Variants in GPHN observed in about 807,000 individuals in gnomAD.
The protein encoded by GPHN is gephyrin.
GPHN carries 17 observed loss-of-function variants against 95.5 expected under a neutral mutation model. The ratio of observed to expected loss-of-function variants is 0.18; its 90% CI spans 0.12 to 0.27. The LOEUF is 0.27. GPHN is among the 10% of genes least tolerant of loss of function. The probability of loss-of-function intolerance (pLI) is 1.00; values close to 1 mark genes in which losing one functional copy is unlikely to be tolerated. For missense variants in GPHN, 660 were observed against 978.1 expected, an observed-to-expected ratio of 0.67 and a Z score of 4.34; for synonymous variants, 320 against 322.5, an observed-to-expected ratio of 0.99 and a Z score of 0.08.
chr14:67,520,419 A>AT, the GPHN span, among the ~76,000 whole-genome samples: 2 of 152,230 alleles, frequency 1.3e-5, no homozygotes, highest in Non-Finnish European at 2.9e-5. Flanking sequence ...AATGTCATAT[A>AT]GGTGAAATCA....
the GPHN span, among the ~76,000 whole-genome samples, chr14:67,526,688 C>G: frequency 6.6e-6 from 1 of 152,150 alleles, no homozygotes; most frequent in African/African-American, 2.4e-5. Flanking sequence ...GGGAATGGAT[C>G]TGGCCCTACA....
At chr14:67,572,769 G>T in the GPHN span, among the ~76,000 whole-genome samples, 1 of 152,062 alleles carries the variant, frequency 6.6e-6, no homozygotes, top group Non-Finnish European at 1.5e-5. Context: ...ATGTAATTCC[G>T]CATCCCTCGC....
At chr14:67,053,503 G>A (rs957451372) in intron 10 of GPHN, among the ~76,000 whole-genome samples, 1 of 152,172 alleles carries the variant, frequency 6.6e-6, no homozygotes, top group Admixed American at 6.5e-5. Flanking sequence ...CCCAGGACCA[G>A]ATGGATTCAC....
chr14:67,275,304 A>C, the GPHN span, among the ~76,000 whole-genome samples: 1 of 152,136 alleles, frequency 6.6e-6, no homozygotes, highest in African/African-American at 2.4e-5. Context: ...ATCAATACCT[A>C]GTTTATTGAG....
At chr14:67,658,191 G>A in the GPHN span, among the ~76,000 whole-genome samples, 78 of 150,578 alleles carry the variant, frequency 5.2e-4, no homozygotes, top group African/African-American at 1.7e-3. Context: ...ATTTTCAACT[G>A]AGTAGGCTAA....
At chr14:67,463,780 A>T in the GPHN span, among the ~76,000 whole-genome samples, 1 of 152,208 alleles carries the variant, frequency 6.6e-6, no homozygotes, top group African/African-American at 2.4e-5. Context: ...TCAACTAACT[A>T]CATCTGAGCT....
chr14:67,607,764 C>T, the GPHN span, among the ~76,000 whole-genome samples: 1 of 152,112 alleles, frequency 6.6e-6, no homozygotes. Context: ...ATCCCAGGCT[C>T]TAAAGTTAGA....
chr14:67,433,142 C>T, the GPHN span, among the ~76,000 whole-genome samples: 7 of 152,108 alleles, frequency 4.6e-5, no homozygotes, highest in Non-Finnish European at 8.8e-5. Context: ...AGTTGATGCC[C>T]ATCTTACAAG....
At chr14:66,565,504 T>C (rs1404401956) in intron 1 of GPHN, among the ~76,000 whole-genome samples, 1 of 152,110 alleles carries the variant, frequency 6.6e-6, no homozygotes, top group Non-Finnish European at 1.5e-5. Context: ...CTCGCTTTGT[T>C]GCCCAAGCTG....
chr14:66,564,963 AT>A (rs1472256673), intron 1 of GPHN, among the ~76,000 whole-genome samples: 28 of 152,040 alleles, frequency 1.8e-4, no homozygotes, highest in Non-Finnish European at 4.4e-5. Flanking sequence ...ACTAGCATGT[AT>A]TTATGTTCCT....
At chr14:67,473,283 G>C in the GPHN span, 1 of 1,245,546 alleles carries the variant, frequency 8.0e-7, no homozygotes, top group Non-Finnish European at 1.1e-6. The surrounding 1 kb of genome is among the most constrained non-coding windows in gnomAD (Gnocchi z 6.5). Context: ...CGGACGTTAG[G>C]GGGCTCTGTG....
the GPHN span, among the ~76,000 whole-genome samples, chr14:67,276,273 G>A: frequency 6.6e-6 from 1 of 152,086 alleles, no homozygotes; most frequent in Non-Finnish European, 1.5e-5. Flanking sequence ...TGTACAGCAT[G>A]TTCCCATTGT....
the GPHN span, among the ~76,000 whole-genome samples, chr14:67,462,314 AG>A: frequency 6.6e-6 from 1 of 152,210 alleles, no homozygotes; most frequent in Admixed American, 6.5e-5. Context: ...GAATGGGGAA[AG>A]GGACTGGTTG....
the GPHN span, among the ~76,000 whole-genome samples, chr14:67,266,413 C>G: frequency 6.6e-6 from 1 of 152,124 alleles, no homozygotes; most frequent in Non-Finnish European, 1.5e-5. Flanking sequence ...GCAGCCTCTG[C>G]CTCCTGGGTT....
At chr14:67,218,496 G>T in the GPHN span, among the ~76,000 whole-genome samples, 1 of 152,210 alleles carries the variant, frequency 6.6e-6, no homozygotes, top group Non-Finnish European at 1.5e-5. Context: ...ATACAGGGCT[G>T]CTTGGCAGCC....
chr14:67,405,224 CAAAAA>C, the GPHN span, among the ~76,000 whole-genome samples: 1 of 40,482 alleles, frequency 2.5e-5, no homozygotes, highest in African/African-American at 8.9e-5. Flanking sequence ...GAGTCCATCT[CAAAAA>C]AAAAAAAAAA....
At chr14:67,115,359 G>A (rs1045940605) in intron 16 of GPHN, among the ~76,000 whole-genome samples, 1 of 152,082 alleles carries the variant, frequency 6.6e-6, no homozygotes, top group Non-Finnish European at 1.5e-5. Context: ...AAAAGAAATT[G>A]CACTTAATGT....
chr14:67,216,812 A>G, the GPHN span, among the ~76,000 whole-genome samples: 1 of 152,254 alleles, frequency 6.6e-6, no homozygotes, highest in South Asian at 2.1e-4. Flanking sequence ...ACTTTTTGAC[A>G]TTTGTTTTGT....
intron 5 of GPHN, among the ~76,000 whole-genome samples, chr14:66,886,873 A>C (rs2153537972): frequency 6.6e-6 from 1 of 152,300 alleles, no homozygotes; most frequent in East Asian, 1.9e-4. Context: ...GGCAAACCTA[A>C]ACTGTAATTG....
Sources: allele counts gnomAD v4.1 joint callset (sites outside exome capture counted in the v4.1 genomes callset), GRCh38; gene constraint gnomAD v4.1.1; non-coding constraint Gnocchi (gnomAD v3.1); transcripts MANE v1.5; gene names NCBI Gene and HGNC (gene_info 2026-07-23, HGNC 2026-07-21).